SP4: variants seen among roughly 807,000 people sequenced by gnomAD.
SP4 encodes the protein Sp4 transcription factor, also known as transcription factor Sp4.
Under a neutral mutation model 72.8 loss-of-function variants are expected in SP4, and 19 were observed. The observed-to-expected ratio is 0.26, with a 90% CI of 0.18 to 0.38. SP4 has a LOEUF of 0.38. SP4 is among the 10% of genes least tolerant of loss of function. SP4 has a pLI of 1.00. For missense variants in SP4, 1,008 were observed against 926.3 expected (o/e 1.09, Z -1.14); for synonymous variants, 395 against 333.1 (o/e 1.19, Z -2.02).
intron 3 of SP4, among the ~76,000 whole-genome samples, chr7:21,455,674 G>A (rs1783741395): frequency 6.6e-6 from 1 of 152,134 alleles, no homozygotes; most frequent in Non-Finnish European, 1.5e-5. Context: ...GAATGAACCT[G>A]TCTTACTGTG....
At chr7:21,498,968 T>G (rs1345347541) in intron 5 of SP4, among the ~76,000 whole-genome samples, 1 of 150,778 alleles carries the variant, frequency 6.6e-6, no homozygotes, top group Non-Finnish European at 1.5e-5. Flanking sequence ...TAGTCCCAGC[T>G]ATTCGGGAGG....
At chr7:21,433,881 T>G (rs1782955510) in intron 3 of SP4, among the ~76,000 whole-genome samples, 1 of 151,620 alleles carries the variant, frequency 6.6e-6, no homozygotes. Flanking sequence ...TGGAGGTTGT[T>G]GCAGTGAGCC....
chr7:21,460,965 C>A (rs1446597029), intron 3 of SP4, among the ~76,000 whole-genome samples: 1 of 151,906 alleles, frequency 6.6e-6, no homozygotes, highest in Non-Finnish European at 1.5e-5. Context: ...ATTAGCTAGA[C>A]ACAGCTGATT....
chr7:21,477,601 A>G (rs1173188100), intron 4 of SP4, among the ~76,000 whole-genome samples: 2 of 151,590 alleles, frequency 1.3e-5, no homozygotes, highest in Non-Finnish European at 2.9e-5. Context: ...CAGTGGTGCA[A>G]TCTCAGCTCA....
At chr7:21,438,836 CCTT>C (rs1783137412) in intron 3 of SP4, among the ~76,000 whole-genome samples, 2 of 152,180 alleles carry the variant, frequency 1.3e-5, no homozygotes, top group Admixed American at 1.3e-4. Flanking sequence ...CACTTAGTAA[CCTT>C]CTCAACTGCT....
intron 5 of SP4, among the ~76,000 whole-genome samples, chr7:21,492,625 G>T (rs779585987): frequency 4.6e-5 from 7 of 152,128 alleles, no homozygotes; most frequent in Non-Finnish European, 8.8e-5. Flanking sequence ...ATGAAAAACA[G>T]ACAATTTAAA....
At chr7:21,488,836 A>G (rs1244267549) in intron 5 of SP4, among the ~76,000 whole-genome samples, 1 of 152,158 alleles carries the variant, frequency 6.6e-6, no homozygotes, top group Non-Finnish European at 1.5e-5. Context: ...TATAATAACG[A>G]TGTCATATAG....
intron 5 of SP4, among the ~76,000 whole-genome samples, chr7:21,498,267 A>G (rs1344960529): frequency 6.6e-6 from 1 of 152,296 alleles, no homozygotes; most frequent in South Asian, 2.1e-4. Context: ...GAGATGATTT[A>G]AAGTATATGG....
chr7:21,502,610 GA>G (rs981314208), intron 5 of SP4, among the ~76,000 whole-genome samples: 2 of 152,088 alleles, frequency 1.3e-5, no homozygotes, highest in Admixed American at 1.3e-4. Flanking sequence ...TACTCTTGTT[GA>G]GGGCTTGTAC....
At chr7:21,474,148 G>A (rs1344875295) in intron 3 of SP4, among the ~76,000 whole-genome samples, 1 of 152,168 alleles carries the variant, frequency 6.6e-6, no homozygotes, top group Non-Finnish European at 1.5e-5. Context: ...GAGGGATCAG[G>A]AATCTCTAGC....
At position 21,512,155 on chromosome 7, in the gene SP4, T is replaced by C. The variant is rs1470448477; in HGVS notation, c.*886T>C. ...TATATTTGGAAATATTTGCATAGAG[T>C]GTAAATTGTTCTGTAGTTTCATATT... On this transcript the variant is annotated 3_prime_UTR_variant, in exon 6 of 6. Transcript: ENST00000222584. The C allele has an allele frequency of 1.3e-5, 2 of 152,588 alleles. No individual in the cohort carries two copies. Among genetic ancestry groups the C allele is most frequent in the African/African-American group, 2.4e-5 (1 of 41,440 alleles). The allele number at this position is 152,588 out of a possible 1,614,324, so 9.5% of individuals were successfully genotyped here.
In SP4 at chr7:21,428,179, T is replaced by TGCCCCCCCCC; in HGVS notation, c.-73_-72insGCCCCCCCCC. ...GCGGGCGGGCGGGACCGGCCTCTCC[T>TGCCCCCCCCC]CCCGCCTCGCCCCCACCCCCACCCA... On this transcript the variant is annotated 5_prime_UTR_variant, in exon 1 of 6. Transcript: ENST00000222584. The TGCCCCCCCCC allele has an allele frequency of 1.7e-6, 1 of 600,792 alleles. No homozygotes were observed. 37.2% of individuals were successfully genotyped at this position (600,792 alleles called of 1,614,324 possible).
rs1238653199 is a variant in SP4, at chr7:21,513,342, A to G, written c.*2073A>G. On this transcript the variant is annotated 3_prime_UTR_variant, in exon 6 of 6. Transcript: ENST00000222584. The stretch of plus-strand genomic sequence containing the variant: ...TGGTTATAAATTTCAAGTTTCTTAA[A>G]GCTTTTGTAGACTTGTAACAGAGTC... The G allele has an allele frequency of 6.6e-6, 1 of 152,612 alleles. No homozygotes were observed. Among genetic ancestry groups the G allele is most frequent in the Admixed American group, 6.5e-5 (1 of 15,288 alleles). The allele number at this position is 152,612 out of a possible 1,614,324, so 9.5% of individuals were successfully genotyped here.
At position 21,481,780 on chromosome 7, in the gene SP4, T is replaced by C. The variant is rs181488059; in HGVS notation, c.1908-144T>C. ...TTATTTTGTCTTTAACTGAAAATTT[T>C]CTGATTTGAACTACAGTTATGGCAT... On this transcript the variant is annotated intron_variant, in intron 4 of 5. Transcript: ENST00000222584. The C allele has an allele frequency of 6.6e-5, 42 of 638,008 alleles. 1 individual carries two copies. In the Admixed American group the frequency reaches 1.2e-3, roughly 18 times the overall value. 39.5% of individuals were successfully genotyped at this position (638,008 alleles called of 1,614,324 possible). A position where few individuals can be genotyped will look rare whatever the true frequency, so the allele number is the denominator to read the frequency against.
Position 21,428,214 on chromosome 7 carries a change from C to CCA in SP4, c.-38_-37insCA. On this transcript the variant is annotated 5_prime_UTR_variant, in exon 1 of 6. Coordinates refer to ENST00000222584, the MANE Select transcript of SP4 (RefSeq NM_003112.5). ...CCCCCACCCCCACCCACCTCTATCCCAGTGTCTCCGTCTGAGGGTTTGTCC... is the reference window on the plus strand; with the variant it reads ...CCCCCACCCCCACCCACCTCTATCCCCAAGTGTCTCCGTCTGAGGGTTTGTCC... 1.5e-6 allele frequency: 2 copies of CCA among 1,335,440 alleles called. No homozygotes were observed. Among genetic ancestry groups the CCA allele is most frequent in the Non-Finnish European group, 2.1e-6 (2 of 960,482 alleles). The allele number at this position is 1,335,440 out of a possible 1,614,324, so 82.7% of individuals were successfully genotyped here.
chr7:21,430,119 C>T lies in SP4; in HGVS notation c.954C>T (p.Pro318=). 6.2e-7 allele frequency: 1 copy of T among 1,614,100 alleles called. No homozygotes were observed. The highest frequency in any genetic ancestry group is 8.5e-7 in the Non-Finnish European group (1 of 1,179,968). The change falls in exon 3 of 6, where the codon CCC becomes CCT. Residue 318 remains proline, a synonymous_variant. Transcript: ENST00000222584. The part of the protein sequence containing the change: ...TTSASTMPES[P]SSSTTCTTTA... ...CTGCCAGTACTATGCCAGAATCTCC[C>T]TCCTCCTCCACTACCTGCACAACCA...
chr7:21,428,832 T>G, intron 2 of SP4, 40 bp downstream of exon 2: 1 of 1,459,820 alleles, frequency 6.9e-7, no homozygotes, highest in East Asian at 2.5e-5. Flanking sequence ...CACGACACAT[T>G]AGGAGAGAGA....
rs766033203 is a variant in SP4, at chr7:21,481,945, A to AAAG, written c.1933_1935dup (p.Lys645dup). 1 of 1,614,028 alleles carries AAAG rather than the reference A, an allele frequency of 6.2e-7. No individual in the cohort carries two copies. Among genetic ancestry groups the AAAG allele is most frequent in the South Asian group, 1.1e-5 (1 of 91,076 alleles). The stretch of plus-strand genomic sequence containing the variant: ...CTAGAGGCAGTAATGAACCAGGAAA[A>AAAG]AAGAAGCAGCATATCTGTCATATTG... On this transcript the variant is annotated inframe_insertion, in exon 5 of 6. Coordinates refer to ENST00000222584, the MANE Select transcript of SP4 (RefSeq NM_003112.5).
intron 3 of SP4, among the ~76,000 whole-genome samples, chr7:21,433,798 G>T (rs139596518): frequency 0.01 from 1,532 of 152,242 alleles, 21 homozygotes; most frequent in African/African-American, 0.035. Context: ...GAATTAGCTG[G>T]GCGTGGTGGC....
Sources: allele counts gnomAD v4.1 joint callset (sites outside exome capture counted in the v4.1 genomes callset), GRCh38; gene constraint gnomAD v4.1.1; transcripts MANE v1.5; gene names NCBI Gene and HGNC (gene_info 2026-07-23, HGNC 2026-07-21).